MIR2052HG: variants seen among roughly 807,000 people sequenced by gnomAD.
MIR2052HG encodes the protein MIR2052 host gene.
rs560305408 is a variant in MIR2052HG, at chr8:74,714,399, G to A, written n.371+10717G>A. ...TGGGTTTTATCTGTTTACAAAAGAC[G>A]GGGAAAGGAAATTATAAAACCATAT... On this transcript the variant is annotated intron_variant and non_coding_transcript_variant, in intron 4 of 6. Coordinates refer to ENST00000523442, the Ensembl canonical transcript of MIR2052HG. Among the ~76,000 whole-genome samples, 6 of 152,194 alleles carry A rather than the reference G, an allele frequency of 3.9e-5. No homozygotes were observed. The South Asian group carries it at 8.3e-4, about 21-fold the overall frequency.
chr8:74,710,689 G>T (rs796788878), intron 4 of MIR2052HG, among the ~76,000 whole-genome samples: 10 of 152,210 alleles, frequency 6.6e-5, no homozygotes, highest in African/African-American at 2.4e-4. Flanking sequence ...ACTATCCTGG[G>T]TTTTAAAGGA....
intron 2 of MIR2052HG, among the ~76,000 whole-genome samples, chr8:74,637,161 A>G (rs1808590293): frequency 6.6e-6 from 1 of 152,118 alleles, no homozygotes; most frequent in African/African-American, 2.4e-5. Flanking sequence ...AAACTTATTA[A>G]ACTGGGTCTA....
intron 3 of MIR2052HG, among the ~76,000 whole-genome samples, chr8:74,703,126 A>G (rs578126132): frequency 6.2e-4 from 95 of 152,150 alleles, no homozygotes; most frequent in African/African-American, 2.2e-3. Context: ...GGACGTGGCT[A>G]CTATGATAGG....
chr8:74,716,074 G>C lies in MIR2052HG; in HGVS notation n.371+12392G>C, dbSNP rs531239405. ...GGAGGACGGGGAAGCAAGACCAACA[G>C]AGACTAGGTTATTAAGTTGATTACT... On this transcript the variant is annotated intron_variant and non_coding_transcript_variant, in intron 4 of 6. Transcript: ENST00000523442. Among the ~76,000 whole-genome samples the C allele has an allele frequency of 2.0e-5, 3 of 152,328 alleles. No homozygotes were observed. The East Asian group carries it at 5.8e-4, about 29-fold the overall frequency.
chr8:74,719,636 C>T (rs755626096), intron 4 of MIR2052HG, among the ~76,000 whole-genome samples: 1 of 135,118 alleles, frequency 7.4e-6, no homozygotes, highest in South Asian at 2.2e-4. Flanking sequence ...AGGCGCCCTC[C>T]ACTTAATAGT....
chr8:74,660,162 C>T (rs1808846091), intron 2 of MIR2052HG, among the ~76,000 whole-genome samples: 1 of 152,166 alleles, frequency 6.6e-6, no homozygotes, highest in Admixed American at 6.5e-5. Flanking sequence ...TTGCTCATGG[C>T]TCTTCTCGGC....
At chr8:74,750,642 A>G (rs563136836) in intron 4 of MIR2052HG, among the ~76,000 whole-genome samples, 1 of 152,352 alleles carries the variant, frequency 6.6e-6, no homozygotes, top group South Asian at 2.1e-4. Context: ...ACTAATGTCA[A>G]ATTTACTGTA....
intron 2 of MIR2052HG, among the ~76,000 whole-genome samples, chr8:74,634,647 T>C (rs935002620): frequency 1.6e-4 from 25 of 152,196 alleles, no homozygotes; most frequent in African/African-American, 5.8e-4. Flanking sequence ...ATTACACTTT[T>C]GTTACCATGA....
At chr8:74,739,447 T>C (rs944991368) in intron 4 of MIR2052HG, among the ~76,000 whole-genome samples, 2 of 152,198 alleles carry the variant, frequency 1.3e-5, no homozygotes, top group African/African-American at 2.4e-5. Context: ...GTATCTACCT[T>C]TTATTTCAAC....
intron 5 of MIR2052HG, among the ~76,000 whole-genome samples, chr8:74,755,984 G>A (rs1272346882): frequency 1.3e-5 from 2 of 152,090 alleles, no homozygotes; most frequent in Non-Finnish European, 2.9e-5. Flanking sequence ...TATGGTCTCC[G>A]ACAAGGCTGC....
intron 2 of MIR2052HG, among the ~76,000 whole-genome samples, chr8:74,622,184 A>G (rs868726300): frequency 1.3e-5 from 2 of 152,270 alleles, no homozygotes; most frequent in African/African-American, 2.4e-5. Context: ...AAAACATATG[A>G]AGAACTCAGA....
intron 4 of MIR2052HG, among the ~76,000 whole-genome samples, chr8:74,716,188 C>T (rs535636653): frequency 6.6e-6 from 1 of 151,946 alleles, no homozygotes; most frequent in East Asian, 1.9e-4. Flanking sequence ...GGTGTAGTCT[C>T]CTCTCGCACT....
At chr8:74,602,861 C>CT (rs926810637) in intron 1 of MIR2052HG, among the ~76,000 whole-genome samples, 2 of 144,498 alleles carry the variant, frequency 1.4e-5, no homozygotes. Context: ...TTCTTTCTTT[C>CT]TTTCTTTCTT....
intron 2 of MIR2052HG, among the ~76,000 whole-genome samples, chr8:74,671,304 A>T (rs1392984589): frequency 6.6e-6 from 1 of 152,066 alleles, no homozygotes; most frequent in Non-Finnish European, 1.5e-5. Context: ...GGTAGACTGA[A>T]TTTTTGCTAT....
chr8:74,662,855 CATTT>C (rs1265854724), intron 2 of MIR2052HG, among the ~76,000 whole-genome samples: 1 of 122,216 alleles, frequency 8.2e-6, no homozygotes, highest in East Asian at 2.1e-4. Flanking sequence ...AGAAATGACT[CATTT>C]GTGTGTGTGT....
intron 2 of MIR2052HG, among the ~76,000 whole-genome samples, chr8:74,690,657 TAAAATA>T (rs56918509): frequency 8.6e-5 from 13 of 151,448 alleles, no homozygotes; most frequent in South Asian, 2.1e-4. Flanking sequence ...TCTCAAAAAA[TAAAATA>T]AAAATAAAAA....
intron 4 of MIR2052HG, among the ~76,000 whole-genome samples, chr8:74,738,068 T>C (rs1202024723): frequency 2.0e-5 from 3 of 152,098 alleles, no homozygotes; most frequent in African/African-American, 7.2e-5. Flanking sequence ...ATCATTTATG[T>C]ATGTATGTAT....
At chr8:74,715,042 C>G (rs1411271943) in intron 4 of MIR2052HG, among the ~76,000 whole-genome samples, 1 of 151,986 alleles carries the variant, frequency 6.6e-6, no homozygotes, top group Non-Finnish European at 1.5e-5. Flanking sequence ...AGGCATAAAA[C>G]AATAAATATG....
At chr8:74,687,395 T>C (rs1295756199) in intron 2 of MIR2052HG, among the ~76,000 whole-genome samples, 1 of 152,152 alleles carries the variant, frequency 6.6e-6, no homozygotes, top group Non-Finnish European at 1.5e-5. Flanking sequence ...ATTTGCACAC[T>C]GATGCTCATT....
Sources: gnomAD v4.1 joint callset for allele counts (sites outside exome capture counted in the v4.1 genomes callset) on GRCh38, gnomAD v4.1.1 for gene constraint, MANE v1.5 for transcripts, NCBI Gene and HGNC (gene_info 2026-07-23, HGNC 2026-07-21) for gene names.